USP38: variants seen among roughly 807,000 people sequenced by gnomAD.
USP38 encodes the protein ubiquitin carboxyl-terminal hydrolase 38.
In USP38, 49 loss-of-function variants were observed where a neutral mutation model predicts 94.3. The ratio of observed to expected loss-of-function variants is 0.52; its 90% CI spans 0.41 to 0.66. USP38 has a LOEUF of 0.66. Ranked by LOEUF, USP38 falls within the 30% of genes least tolerant of loss-of-function variation. USP38 has a pLI of 0.00. For missense variants in USP38, 1,128 were observed against 1,229.4 expected, an observed-to-expected ratio of 0.92 and a Z score of 1.23; for synonymous variants, 468 against 463.6, an observed-to-expected ratio of 1.01 and a Z score of -0.12.
chr4:143,188,475 T>C (rs1305167972), intron 2 of USP38, among the ~76,000 whole-genome samples: 1 of 152,108 alleles, frequency 6.6e-6, no homozygotes, highest in Non-Finnish European at 1.5e-5. Context: ...AAAATAATAC[T>C]GTATTACCTT....
Position 143,220,506 on chromosome 4 carries a change from C to A in USP38, c.*50C>A. 1 of 1,470,102 alleles carries A rather than the reference C, an allele frequency of 6.8e-7. No individual in the cohort carries two copies. The allele number at this position is 1,470,102 out of a possible 1,614,324, so 91.1% of individuals were successfully genotyped here. A position where few individuals can be genotyped will look rare whatever the true frequency, so the allele number is the denominator to read the frequency against. On this transcript the variant is annotated 3_prime_UTR_variant, in exon 10 of 10. Coordinates refer to ENST00000307017, the MANE Select transcript of USP38 (RefSeq NM_032557.6). Reference sequence around the variant, plus strand: ...GGTCACGAAACGTCTAATACTATGACTGTTAAAATGTCAGACTATAACAAA... The same window carrying A: ...GGTCACGAAACGTCTAATACTATGAATGTTAAAATGTCAGACTATAACAAA...
chr4:143,192,405 C>G (rs1731421678), intron 2 of USP38, among the ~76,000 whole-genome samples: 1 of 152,118 alleles, frequency 6.6e-6, no homozygotes, highest in Non-Finnish European at 1.5e-5. Flanking sequence ...CTCAGGTGAT[C>G]CAGCCGCCTT....
intron 5 of USP38, among the ~76,000 whole-genome samples, chr4:143,205,677 T>G (rs1215835855): frequency 2.8e-4 from 43 of 152,202 alleles, no homozygotes; most frequent in Admixed American, 2.8e-3. Flanking sequence ...ATTTAAGTCT[T>G]CATTCTACTG....
intron 9 of USP38, among the ~76,000 whole-genome samples, chr4:143,220,000 C>A (rs1185953987): frequency 6.6e-6 from 1 of 152,088 alleles, no homozygotes; most frequent in East Asian, 1.9e-4. Context: ...ACTGTAATCA[C>A]CCACTTCCAA....
intron 7 of USP38, among the ~76,000 whole-genome samples, chr4:143,210,924 TTTA>T (rs895576638): frequency 7.2e-5 from 11 of 152,002 alleles, no homozygotes; most frequent in African/African-American, 2.7e-4. Context: ...CTCAGATATT[TTTA>T]TTATTCTTTA....
intron 9 of USP38, among the ~76,000 whole-genome samples, chr4:143,218,213 T>G (rs1312905161): frequency 6.6e-6 from 1 of 152,004 alleles, no homozygotes; most frequent in Non-Finnish European, 1.5e-5. Flanking sequence ...TATGTGCAGT[T>G]TAAAGAAAAA....
In USP38 at chr4:143,185,896, A is replaced by G; in HGVS notation, c.446A>G (p.Asp149Gly). ...CCGCAGCTCTGTGCCCGACTGAGCG[A>G]CCTTCTGACCGACTTTGTGCAATGC... ...PEPQLCARLS[D>G]LLTDFVQCIP... Residue 149 changes from aspartate to glycine, a missense_variant, in exon 1 of 10, where the codon GAC becomes GGC. By Grantham distance (94) the Asp-to-Gly change is moderately conservative. Transcript: ENST00000307017. 6.2e-7 allele frequency: 1 copy of G among 1,614,120 alleles called. No individual in the cohort carries two copies. The highest frequency in any genetic ancestry group is 8.5e-7 in the Non-Finnish European group (1 of 1,180,018).
At position 143,189,874 on chromosome 4, in the gene USP38, T is replaced by C. The variant is rs187287415; in HGVS notation, c.818+1913T>C. ...ATCTTTCTATTCATTGTTCTTGAAA[T>C]TTTTGTCTCTGACACCATACTGTTA... On this transcript the variant is annotated intron_variant, in intron 2 of 9. Transcript: ENST00000307017. Among the ~76,000 whole-genome samples, 200 of 152,226 alleles carry C rather than the reference T, an allele frequency of 1.3e-3. 2 individuals are homozygous for C. In the Middle Eastern group the frequency reaches 0.017, roughly 13 times the overall value.
At position 143,187,922 on chromosome 4, in the gene USP38, C is replaced by G; in HGVS notation, c.779C>G (p.Pro260Arg). The G allele has an allele frequency of 6.2e-7, 1 of 1,613,680 alleles. No homozygotes were observed. Among genetic ancestry groups the G allele is most frequent in the South Asian group, 1.1e-5 (1 of 91,060 alleles). ...TVLIRSLTTD[P>R]NVKDASMTQA... ...CTCATCAGGAGCCTTACTACGGATC[C>G]AAATGTAAAAGATGCAAGTATGACC... The change falls in exon 2 of 10, where the codon CCA (proline) becomes CGA (arginine). Residue 260 changes from proline (P) to arginine (R), a missense_variant. Coordinates refer to ENST00000307017, the MANE Select transcript of USP38 (RefSeq NM_032557.6).
At position 143,214,383 on chromosome 4, in the gene USP38, T is replaced by C. The variant is rs751354670; in HGVS notation, c.2407T>C (p.Leu803=). 13 of 1,613,628 alleles carry C rather than the reference T, an allele frequency of 8.1e-6. No individual in the cohort carries two copies. The highest frequency in any genetic ancestry group is 1.6e-4 in the Middle Eastern group (1 of 6,078). ...PVKRITSFSS[L]SESWSVDVDF... is the part of the protein sequence containing the mutation. The stretch of plus-strand genomic sequence containing the variant: ...TAAAAGAATTACTTCTTTCTCTTCA[T>C]TGTCAGAAAGTTGGTCTGTAGATGT... The change falls in exon 9 of 10, where the codon TTG becomes CTG. Residue 803 remains leucine, a synonymous_variant. Transcript: ENST00000307017.
At position 143,206,034 on chromosome 4, in the gene USP38, AT is replaced by A; in HGVS notation, c.1215del (p.Pro406LeufsTer10). 6.4e-7 allele frequency: 1 copy of A among 1,564,750 alleles called. No homozygotes were observed. Among genetic ancestry groups the A allele is most frequent in the South Asian group, 1.2e-5 (1 of 80,172 alleles). On this transcript the variant is annotated frameshift_variant and splice_region_variant, in exon 6 of 10. Transcript: ENST00000307017. LOFTEE classifies it high-confidence loss of function. ...LYEPILEAIK[D>X]FPKPSEEKIK... ...GTTTTTCTTCTTTATGACCTATAGGATTTTCCTAAGCCCAGTGAAGAGAAGA... is the reference window on the plus strand; with the variant it reads ...GTTTTTCTTCTTTATGACCTATAGGATTTCCTAAGCCCAGTGAAGAGAAGA...
At chr4:143,188,015 A>AT (rs1289157325) in intron 2 of USP38, 54 bp downstream of exon 2, 18 of 1,517,478 alleles carry the variant, frequency 1.2e-5, no homozygotes, top group Non-Finnish European at 1.5e-5. Flanking sequence ...AAGAGGAAGT[A>AT]TTTTGTATTT....
At chr4:143,196,861 A>G (rs1731563114) in intron 3 of USP38, among the ~76,000 whole-genome samples, 1 of 152,158 alleles carries the variant, frequency 6.6e-6, no homozygotes, top group South Asian at 2.1e-4. Flanking sequence ...CACTTGCTCA[A>G]GCCAAAAACC....
chr4:143,213,298 A>C (rs1238611364), intron 8 of USP38, among the ~76,000 whole-genome samples: 2 of 152,210 alleles, frequency 1.3e-5, no homozygotes, highest in Non-Finnish European at 2.9e-5. Context: ...AGACAGAGAT[A>C]TATAAGACAG....
chr4:143,187,724 A>AC (rs1320989224), intron 1 of USP38, 102 bp from the exon 2 acceptor site: 2 of 1,269,012 alleles, frequency 1.6e-6, no homozygotes, highest in East Asian at 5.0e-5. Flanking sequence ...TTCCTAGTTA[A>AC]CACCTTTGCT....
chr4:143,189,176 C>G (rs1233430615), intron 2 of USP38, among the ~76,000 whole-genome samples: 1 of 151,910 alleles, frequency 6.6e-6, no homozygotes, highest in Non-Finnish European at 1.5e-5. Context: ...AAGTAGCAAA[C>G]CTGTGGATAT....
At chr4:143,213,297 T>G (rs946324158) in intron 8 of USP38, among the ~76,000 whole-genome samples, 1 of 152,180 alleles carries the variant, frequency 6.6e-6, no homozygotes, top group Non-Finnish European at 1.5e-5. Context: ...AAGACAGAGA[T>G]ATATAAGACA....
In USP38 at chr4:143,206,238, C is replaced by T. The variant is rs767858498; in HGVS notation, c.1403+12C>T. 3 of 1,549,976 alleles carry T rather than the reference C, an allele frequency of 1.9e-6. No homozygotes were observed. Among genetic ancestry groups the T allele is most frequent in the South Asian group, 1.3e-5 (1 of 79,480 alleles). On this transcript the variant is annotated intron_variant, in intron 6 of 9. Transcript: ENST00000307017. ...TTTATGGCCACAGAGTAAGTTTAAA[C>T]TTGAATCTTTTCATTTTAACTGTAG...
intron 7 of USP38, 143 bp downstream of exon 7, chr4:143,209,800 A>G (rs925375878): frequency 1.9e-5 from 10 of 526,944 alleles, no homozygotes; most frequent in South Asian, 2.8e-5. Flanking sequence ...TAGAAATGCT[A>G]AAGAGATCCT....
Sources: allele counts gnomAD v4.1 joint callset (sites outside exome capture counted in the v4.1 genomes callset), GRCh38; gene constraint gnomAD v4.1.1; transcripts MANE v1.5; gene names NCBI Gene and HGNC (gene_info 2026-07-23, HGNC 2026-07-21).